Variants in KCTD16 observed in about 807,000 individuals in gnomAD.
KCTD16 encodes BTB/POZ domain-containing protein KCTD16.
In KCTD16, 13 loss-of-function variants were observed where a neutral mutation model predicts 33.2. The ratio of observed to expected loss-of-function variants is 0.39; its 90% CI spans 0.25 to 0.62. The LOEUF is 0.62. Among genes scored for constraint, KCTD16 ranks in the 20% least tolerant of loss-of-function variants. KCTD16 has a pLI of 0.50. For missense variants in KCTD16, 441 were observed against 525.1 expected, an observed-to-expected ratio of 0.84 and a Z score of 1.57; for synonymous variants, 197 against 195.3, an observed-to-expected ratio of 1.01 and a Z score of -0.07.
chr5:144,195,110 A>G (rs1752917116), intron 2 of KCTD16, among the ~76,000 whole-genome samples: 1 of 152,168 alleles, frequency 6.6e-6, no homozygotes, highest in Non-Finnish European at 1.5e-5. Flanking sequence ...CTCCCTGTGT[A>G]TCTGAAATAG....
intron 3 of KCTD16, among the ~76,000 whole-genome samples, chr5:144,340,713 G>A (rs987932162): frequency 2.6e-5 from 4 of 152,086 alleles, no homozygotes; most frequent in South Asian, 2.1e-4. Context: ...AGGACACAGC[G>A]AAAAGGTGGC....
chr5:144,383,087 T>G (rs564211503), intron 3 of KCTD16: 1 of 152,294 alleles, frequency 6.6e-6, no homozygotes, highest in South Asian at 2.1e-4. Flanking sequence ...AACCTGCAAA[T>G]TCACTGTCTG....
At position 144,483,513 on chromosome 5, in the gene KCTD16, A is replaced by T. The variant is rs1385107072; in HGVS notation, c.*9399A>T. ...AAGTCTGTTTATACAATACCCAAAT[A>T]GTTGCTCAAAGAAAGAACAATGTAA... On this transcript the variant is annotated 3_prime_UTR_variant, in exon 4 of 4. Coordinates refer to ENST00000512467, the MANE Select transcript of KCTD16 (RefSeq NM_020768.4). 6.6e-6 allele frequency: 1 copy of T among 151,982 alleles called. No individual in the cohort carries two copies. The highest frequency in any genetic ancestry group is 1.9e-4 in the East Asian group (1 of 5,166). The allele number at this position is 151,982 out of a possible 1,614,324, so 9.4% of individuals were successfully genotyped here.
At chr5:144,263,906 G>GTCAAA (rs1429685871) in intron 3 of KCTD16, among the ~76,000 whole-genome samples, 2 of 152,182 alleles carry the variant, frequency 1.3e-5, no homozygotes, top group African/African-American at 4.8e-5. Flanking sequence ...ATCCTCACAT[G>GTCAAA]ATGAAGAAGA....
At chr5:144,300,126 CAT>C (rs1343811939) in intron 3 of KCTD16, among the ~76,000 whole-genome samples, 2 of 151,928 alleles carry the variant, frequency 1.3e-5, no homozygotes, top group Non-Finnish European at 2.9e-5. Context: ...GATCTTAGCA[CAT>C]GTTTGTATTA....
At chr5:144,400,946 G>A (rs1259512697) in intron 3 of KCTD16, among the ~76,000 whole-genome samples, 2 of 152,140 alleles carry the variant, frequency 1.3e-5, no homozygotes, top group Non-Finnish European at 2.9e-5. Flanking sequence ...CTATGCAAAA[G>A]CTTTACATAT....
chr5:144,356,748 AG>A (rs1407893386), intron 3 of KCTD16, among the ~76,000 whole-genome samples: 1 of 152,102 alleles, frequency 6.6e-6, no homozygotes, highest in African/African-American at 2.4e-5. Flanking sequence ...AGGACAACAT[AG>A]TTTCTCCCCA....
intron 3 of KCTD16, among the ~76,000 whole-genome samples, chr5:144,453,073 A>G (rs1275285330): frequency 6.6e-6 from 1 of 152,200 alleles, no homozygotes. Flanking sequence ...TCCTGAGGAC[A>G]GAGCTGTTGG....
rs1013282341 is a variant in KCTD16, at chr5:144,478,338, C to T, written c.*4224C>T. 1.3e-5 allele frequency: 2 copies of T among 152,004 alleles called. No homozygotes were observed. Among genetic ancestry groups the T allele is most frequent in the Non-Finnish European group, 2.9e-5 (2 of 67,952 alleles). 9.4% of individuals were successfully genotyped at this position (152,004 alleles called of 1,614,324 possible). On this transcript the variant is annotated 3_prime_UTR_variant, in exon 4 of 4. Transcript: ENST00000512467. ...CAGACGAAATGGTTATTGCTCTCTA[C>T]CCCTGCTGAAAGAATAGAGTCTTAA... is the stretch of plus-strand genomic sequence containing the variant.
chr5:144,412,960 T>C (rs1295673340), intron 3 of KCTD16, among the ~76,000 whole-genome samples: 1 of 152,216 alleles, frequency 6.6e-6, no homozygotes, highest in Non-Finnish European at 1.5e-5. Context: ...TACTTCATTG[T>C]ATATTTTAAG....
At chr5:144,234,867 C>T (rs1754205691) in intron 3 of KCTD16, among the ~76,000 whole-genome samples, 1 of 152,008 alleles carries the variant, frequency 6.6e-6, no homozygotes, top group Non-Finnish European at 1.5e-5. Context: ...ACAAAAGTTA[C>T]TGTGATCAAA....
At chr5:144,213,968 G>A (rs1007494915) in intron 3 of KCTD16, among the ~76,000 whole-genome samples, 1 of 152,148 alleles carries the variant, frequency 6.6e-6, no homozygotes, top group African/African-American at 2.4e-5. Context: ...TTGACTATGA[G>A]AATCATTTTG....
chr5:144,389,626 G>T (rs1752406184), intron 3 of KCTD16, among the ~76,000 whole-genome samples: 1 of 151,986 alleles, frequency 6.6e-6, no homozygotes, highest in Non-Finnish European at 1.5e-5. Context: ...CTCAATAAAT[G>T]CAACACACTT....
chr5:144,403,550 C>A (rs1752750308), intron 3 of KCTD16, among the ~76,000 whole-genome samples: 1 of 152,204 alleles, frequency 6.6e-6, no homozygotes, highest in Admixed American at 6.5e-5. Context: ...GGAACAGATT[C>A]TCCCTCTGAG....
chr5:144,197,793 T>A (rs1752966891), intron 2 of KCTD16, among the ~76,000 whole-genome samples: 1 of 152,194 alleles, frequency 6.6e-6, no homozygotes, highest in Non-Finnish European at 1.5e-5. Flanking sequence ...AATGCTAACA[T>A]TTCAGGATTG....
chr5:144,387,656 C>T (rs1413733159), intron 3 of KCTD16, among the ~76,000 whole-genome samples: 1 of 152,138 alleles, frequency 6.6e-6, no homozygotes, highest in Non-Finnish European at 1.5e-5. Context: ...CTATTGAGAT[C>T]TGAGGGATTA....
intron 3 of KCTD16, among the ~76,000 whole-genome samples, chr5:144,442,173 G>T (rs1035405901): frequency 1.3e-5 from 2 of 152,104 alleles, no homozygotes; most frequent in African/African-American, 4.8e-5. Context: ...TTGGATCAAA[G>T]TAGCTTATTA....
Position 144,481,868 on chromosome 5 carries a change from T to A in KCTD16, c.*7754T>A, listed in dbSNP as rs1030962298. The A allele has an allele frequency of 6.6e-6, 1 of 151,944 alleles. No homozygotes were observed. Among genetic ancestry groups the A allele is most frequent in the African/African-American group, 2.4e-5 (1 of 41,398 alleles). The allele number at this position is 151,944 out of a possible 1,614,324, so 9.4% of individuals were successfully genotyped here. A position where few individuals can be genotyped will look rare whatever the true frequency, so the allele number is the denominator to read the frequency against. On this transcript the variant is annotated 3_prime_UTR_variant, in exon 4 of 4. Transcript: ENST00000512467. ...TATGGTTTAAATATCCAGTTATAAA[T>A]AATATATATTACAGATTTATTATTA...
At chr5:144,287,124 A>T (rs570211992) in intron 3 of KCTD16, among the ~76,000 whole-genome samples, 2 of 152,316 alleles carry the variant, frequency 1.3e-5, no homozygotes, top group South Asian at 4.1e-4. Context: ...GTTTCACCTC[A>T]AGTGAAAGAG....
Sources: allele counts gnomAD v4.1 joint callset (sites outside exome capture counted in the v4.1 genomes callset), GRCh38; gene constraint gnomAD v4.1.1; transcripts MANE v1.5; gene names NCBI Gene and HGNC (gene_info 2026-07-23, HGNC 2026-07-21).